ZNF846: variants seen among roughly 807,000 people sequenced by gnomAD.
ZNF846 encodes the protein zinc finger protein 846.
In ZNF846, 15 loss-of-function variants were observed where a neutral mutation model predicts 16.0. The ratio of observed to expected loss-of-function variants is 0.94; its 90% CI spans 0.63 to 1.45. ZNF846 has a LOEUF of 1.45. Ranked by LOEUF, ZNF846 falls within the 40% of genes most tolerant of loss-of-function variation. The pLI, the probability that ZNF846 is intolerant of heterozygous loss-of-function variation, is 0.00. For missense variants in ZNF846, 714 were observed against 622.3 expected, an observed-to-expected ratio of 1.15 and a Z score of -1.57; for synonymous variants, 229 against 212.0, an observed-to-expected ratio of 1.08 and a Z score of -0.70.
chr19:9,758,647 C>CCA lies in ZNF846; in HGVS notation c.429_430insTG (p.Asp144TrpfsTer9). On this transcript the variant is annotated frameshift_variant, in exon 6 of 6. Transcript: ENST00000397902. LOFTEE classifies it low-confidence loss of function (END_TRUNC). ...CTTAAGGCTTTTCCACTCTGATTAT[C>CCA]CTCAGAAGTTTTCTCTCCAATGTGA... 2 of 1,613,094 alleles carry CCA rather than the reference C, an allele frequency of 1.2e-6. No individual in the cohort carries two copies. Among genetic ancestry groups the CCA allele is most frequent in the Admixed American group, 3.3e-5 (2 of 59,982 alleles).
intron 1 of ZNF846, among the ~76,000 whole-genome samples, chr19:9,781,587 C>G (rs1035011903): frequency 2.0e-5 from 3 of 152,080 alleles, no homozygotes; most frequent in Non-Finnish European, 2.9e-5. Context: ...AGTCTAGACA[C>G]CTGCTTGTGG....
chr19:9,757,922 C>A, exon 6 of ZNF846: 1 of 1,613,456 alleles, frequency 6.2e-7, no homozygotes, highest in South Asian at 1.1e-5. Flanking sequence ...TATGTGTTCT[C>A]ATGTGTAAAA....
chr19:9,757,544 A>G, exon 6 of ZNF846: 1 of 1,611,938 alleles, frequency 6.2e-7, no homozygotes, highest in Non-Finnish European at 8.5e-7. Context: ...AGTTTTTCCC[A>G]CATTTCTTAC....
intron 1 of ZNF846, among the ~76,000 whole-genome samples, chr19:9,779,724 C>T (rs977486894): frequency 2.0e-5 from 3 of 152,010 alleles, no homozygotes; most frequent in African/African-American, 7.3e-5. Context: ...GTGCCCACCA[C>T]CACACCCAGC....
At position 9,777,126 on chromosome 19, in the gene ZNF846, A is replaced by C. The variant is rs968428146; in HGVS notation, c.-86+8812T>G. On this transcript the variant is annotated intron_variant, in intron 1 of 4. Coordinates refer to the ZNF846 transcript ENST00000586814. Reference sequence around the variant, plus strand: ...GATCATTAAAAAAAAGAAGAAGAAGAACGAAAGAAAACACACACACACGCA... The same window carrying C: ...GATCATTAAAAAAAAGAAGAAGAAGCACGAAAGAAAACACACACACACGCA... Among the ~76,000 whole-genome samples, 6 of 149,640 alleles carry C rather than the reference A, an allele frequency of 4.0e-5. No individual in the cohort carries two copies. The South Asian group carries it at 1.3e-3, about 32-fold the overall frequency.
chr19:9,783,189 C>T (rs1351566380), intron 1 of ZNF846, among the ~76,000 whole-genome samples: 1 of 148,942 alleles, frequency 6.7e-6, no homozygotes, highest in Non-Finnish European at 1.5e-5. Context: ...GAAATACAGA[C>T]CTGAGTACCT....
At chr19:9,779,411 G>T (rs762461645) in intron 1 of ZNF846, among the ~76,000 whole-genome samples, 9 of 151,900 alleles carry the variant, frequency 5.9e-5, no homozygotes, top group Non-Finnish European at 1.2e-4. Context: ...TGGGATTACA[G>T]GCATGCGCCA....
exon 5 of ZNF846, chr19:9,759,881 T>C (rs367947796): frequency 6.6e-5 from 107 of 1,612,990 alleles, no homozygotes; most frequent in Non-Finnish European, 8.7e-5. Flanking sequence ...CATTTGGTGA[T>C]CTTTCTGCAG....
At chr19:9,763,447 A>G in intron 2 of ZNF846, 39 bp from the exon 3 acceptor site, 2 of 1,550,444 alleles carry the variant, frequency 1.3e-6, no homozygotes, top group Non-Finnish European at 1.7e-6. Context: ...GCTAAGTACC[A>G]TCTCCTTTGA....
chr19:9,750,352 T>A (rs2045074105), downstream of ZNF846, among the ~76,000 whole-genome samples: 1 of 152,146 alleles, frequency 6.6e-6, no homozygotes, highest in Non-Finnish European at 1.5e-5. Flanking sequence ...TTATACACCA[T>A]GAGAACTGAA....
At chr19:9,765,316 G>A (rs531481332) in intron 1 of ZNF846, among the ~76,000 whole-genome samples, 6 of 151,888 alleles carry the variant, frequency 4.0e-5, no homozygotes, top group Admixed American at 6.6e-5. Context: ...TGGAGATTGC[G>A]GTGAGCCGAC....
intron 1 of ZNF846, among the ~76,000 whole-genome samples, chr19:9,781,925 A>C (rs1303935858): frequency 6.6e-6 from 1 of 151,362 alleles, no homozygotes; most frequent in Non-Finnish European, 1.5e-5. Flanking sequence ...TTACAGGTGC[A>C]CATCACCATG....
At chr19:9,751,022 T>A (rs549567690), downstream of ZNF846, among the ~76,000 whole-genome samples, 9 of 152,310 alleles carry the variant, frequency 5.9e-5, no homozygotes, top group South Asian at 2.1e-4. Context: ...GTCAGGCAAC[T>A]AATTATGCTG....
At chr19:9,773,426 C>CTG (rs374188298), upstream of ZNF846, among the ~76,000 whole-genome samples, 13 of 151,472 alleles carry the variant, frequency 8.6e-5, no homozygotes, top group East Asian at 1.9e-4. Context: ...GTGTGTGTGT[C>CTG]TGTGTGTGTG....
chr19:9,770,243 G>GCCCCAC (rs1332220976), upstream of ZNF846, among the ~76,000 whole-genome samples: 2 of 148,898 alleles, frequency 1.3e-5, no homozygotes, highest in Non-Finnish European at 3.0e-5. Flanking sequence ...TGCTCATCCA[G>GCCCCAC]CCCCACCCCC....
At chr19:9,754,748 T>G (rs1348724031), downstream of ZNF846, among the ~76,000 whole-genome samples, 2 of 151,404 alleles carry the variant, frequency 1.3e-5, no homozygotes, top group African/African-American at 4.9e-5. Flanking sequence ...TACAGCTTTT[T>G]GGTCCCTCAT....
At chr19:9,778,803 CAAA>C (rs56001426) in intron 1 of ZNF846, among the ~76,000 whole-genome samples, 4 of 51,370 alleles carry the variant, frequency 7.8e-5, no homozygotes, top group Admixed American at 2.1e-4. Flanking sequence ...AAACTCGTCT[CAAA>C]AAAAAAAAAA....
intron 3 of ZNF846, among the ~76,000 whole-genome samples, chr19:9,763,022 T>A (rs1222925382): frequency 6.6e-6 from 1 of 151,840 alleles, no homozygotes; most frequent in Non-Finnish European, 1.5e-5. Context: ...TGCACACCTG[T>A]AATCCCAGCT....
At chr19:9,754,607 T>C (rs897643450), downstream of ZNF846, among the ~76,000 whole-genome samples, 4 of 145,866 alleles carry the variant, frequency 2.7e-5, no homozygotes. Context: ...AACATACAGT[T>C]GGATTGTGTA....
Sources: allele counts gnomAD v4.1 joint callset (sites outside exome capture counted in the v4.1 genomes callset), GRCh38; gene constraint gnomAD v4.1.1; transcripts MANE v1.5; gene names NCBI Gene and HGNC (gene_info 2026-07-23, HGNC 2026-07-21).